The following GLRA2 variants were observed in gnomAD, a reference collection of about 807,000 sequenced individuals.
The protein encoded by GLRA2 is glycine receptor alpha 2.
A neutral mutation model predicts 31.6 loss-of-function variants in GLRA2; 11 were observed. The ratio of observed to expected loss-of-function variants is 0.35; its 90% CI spans 0.22 to 0.58. The LOEUF (loss-of-function observed/expected upper bound fraction) is 0.58. GLRA2 is among the 20% of genes least tolerant of loss of function. The pLI, the probability that GLRA2 is intolerant of heterozygous loss-of-function variation, is 0.84. For missense variants in GLRA2, 212 were observed against 351.8 expected (o/e 0.60, Z 3.18); for synonymous variants, 132 against 134.0 (o/e 0.99, Z 0.10).
At chrX:14,672,351 C>T (rs908775697) in intron 7 of GLRA2, among the ~76,000 whole-genome samples, 14 of 112,519 alleles carry the variant, frequency 1.2e-4, no homozygotes, top group Non-Finnish European at 1.7e-4. Flanking sequence ...TATTTTCACA[C>T]TTACACTTTA....
At chrX:14,630,151 G>T (rs1310427552) in intron 7 of GLRA2, among the ~76,000 whole-genome samples, 1 of 111,149 alleles carries the variant, frequency 9.0e-6, no homozygotes, top group African/African-American at 3.3e-5. Context: ...AATTATTTCA[G>T]CTTTTATACG....
chrX:14,667,393 A>G (rs1157289221), intron 7 of GLRA2, among the ~76,000 whole-genome samples: 1 of 111,990 alleles, frequency 8.9e-6, no homozygotes, highest in Non-Finnish European at 1.9e-5. Context: ...ACTCAACTCT[A>G]CCATGGTAAG....
upstream of GLRA2, among the ~76,000 whole-genome samples, chrX:14,524,475 T>C (rs982587607): frequency 2.7e-5 from 3 of 112,054 alleles, no homozygotes; most frequent in African/African-American, 9.7e-5. Flanking sequence ...CAACGAAAGA[T>C]TTGGTAAAAA....
At position 14,731,761 on chromosome X, in the gene GLRA2, G is replaced by T. The variant is rs762109260; in HGVS notation, c.*1276G>T. On this transcript the variant is annotated 3_prime_UTR_variant, in exon 9 of 9. Transcript: ENST00000218075. ...AAATTTTACATGTGCTGTACAAGGG[G>T]TTATTTTAAAAAGCATTTGTTCAAT... 3.4e-4 allele frequency: 38 copies of T among 111,851 alleles called. No individual in the cohort carries two copies. Among genetic ancestry groups the T allele is most frequent in the Admixed American group, 1.1e-3 (12 of 10,505 alleles). The allele number at this position is 111,851 out of a possible 1,213,427, so 9.2% of individuals were successfully genotyped here. A position where few individuals can be genotyped will look rare whatever the true frequency, so the allele number is the denominator to read the frequency against.
chrX:14,570,644 A>G (rs1601721496), intron 2 of GLRA2, among the ~76,000 whole-genome samples: 1 of 111,602 alleles, frequency 9.0e-6, no homozygotes, highest in Non-Finnish European at 1.9e-5. Context: ...AGTACTATAT[A>G]TGAAGAATAG....
At chrX:14,480,092 G>T in the GLRA2 span, among the ~76,000 whole-genome samples, 1 of 111,323 alleles carries the variant, frequency 9.0e-6, no homozygotes, top group Non-Finnish European at 1.9e-5. Flanking sequence ...TTTCATTGTG[G>T]CTTTGATTTA....
the GLRA2 span, among the ~76,000 whole-genome samples, chrX:14,465,378 A>G: frequency 2.7e-5 from 3 of 112,023 alleles, no homozygotes; most frequent in Admixed American, 9.5e-5. Context: ...CTTTACGTGT[A>G]AGATTATATC....
intron 7 of GLRA2, among the ~76,000 whole-genome samples, chrX:14,652,286 T>G (rs2090897449): frequency 9.0e-6 from 1 of 111,535 alleles, no homozygotes; most frequent in Non-Finnish European, 1.9e-5. Flanking sequence ...AGAAACTGAG[T>G]CAGGGGATTA....
intron 7 of GLRA2, among the ~76,000 whole-genome samples, chrX:14,685,570 A>T (rs536096883): frequency 5.5e-4 from 61 of 111,437 alleles, no homozygotes; most frequent in African/African-American, 1.9e-3. Context: ...CAGGAATTTA[A>T]CCATTTCTTC....
Position 14,684,964 on chromosome X carries a change from GCT to G in GLRA2, c.931-5743_931-5742del, listed in dbSNP as rs1286537998. Among the ~76,000 whole-genome samples, 22 of 110,892 alleles carry G rather than the reference GCT, an allele frequency of 2.0e-4. No individual in the cohort carries two copies. The East Asian group carries it at 6.3e-3, about 32-fold the overall frequency. ...ATTAGCTGTGGGTTTGTCATAGATA[GCT>G]CTTATTATTTTGAGATATGTCCCAT... On this transcript the variant is annotated intron_variant, in intron 7 of 8. Coordinates refer to ENST00000218075, the MANE Select transcript of GLRA2 (RefSeq NM_002063.4).
chrX:14,506,732 A>G, the GLRA2 span, among the ~76,000 whole-genome samples: 1 of 111,474 alleles, frequency 9.0e-6, no homozygotes, highest in Non-Finnish European at 1.9e-5. Flanking sequence ...ACAACCCTAG[A>G]TGGTGCACCA....
chrX:14,562,336 C>G (rs1344633823), intron 2 of GLRA2, among the ~76,000 whole-genome samples: 3 of 112,236 alleles, frequency 2.7e-5, no homozygotes, highest in African/African-American at 9.7e-5. Flanking sequence ...TTGCCCTTGT[C>G]CCATTCCCTC....
intron 7 of GLRA2, among the ~76,000 whole-genome samples, chrX:14,638,202 G>A (rs1405952640): frequency 9.0e-6 from 1 of 111,384 alleles, no homozygotes; most frequent in East Asian, 2.8e-4. Flanking sequence ...TGAAAAGGAA[G>A]GTTTGCCAAG....
At chrX:14,527,344 C>T (rs192793590), upstream of GLRA2, among the ~76,000 whole-genome samples, 3 of 111,968 alleles carry the variant, frequency 2.7e-5, no homozygotes, top group African/African-American at 6.5e-5. Flanking sequence ...CGGCTGGGCG[C>T]GGTGGCTCAC....
chrX:14,474,747 G>T, the GLRA2 span, among the ~76,000 whole-genome samples: 1 of 106,592 alleles, frequency 9.4e-6, no homozygotes, highest in African/African-American at 3.5e-5. Flanking sequence ...GGGATGACTG[G>T]GGCCTCTCCC....
At chrX:14,710,663 G>A (rs1258364876) in intron 8 of GLRA2, among the ~76,000 whole-genome samples, 2 of 111,607 alleles carry the variant, frequency 1.8e-5, no homozygotes, top group Non-Finnish European at 3.8e-5. Context: ...CTGTTGTTAC[G>A]GTTGATTATA....
the GLRA2 span, among the ~76,000 whole-genome samples, chrX:14,481,335 C>G: frequency 3.6e-5 from 4 of 111,456 alleles, no homozygotes; most frequent in Non-Finnish European, 5.6e-5. Flanking sequence ...CCTCACTAAG[C>G]CTTTGGTATT....
In GLRA2 at chrX:14,572,344, A is replaced by G. The variant is rs534422598; in HGVS notation, c.203-1989A>G. Among the ~76,000 whole-genome samples the G allele has an allele frequency of 1.6e-4, 18 of 111,924 alleles. No individual in the cohort carries two copies. The South Asian group carries it at 5.1e-3, about 32-fold the overall frequency. On this transcript the variant is annotated intron_variant, in intron 2 of 8. Coordinates refer to ENST00000218075, the MANE Select transcript of GLRA2 (RefSeq NM_002063.4). ...TATTTTTCCCATCATTCATTTTTCT[A>G]TCTATCTTGCATATAAGAATTCAGG...
the GLRA2 span, among the ~76,000 whole-genome samples, chrX:14,491,000 A>G: frequency 3.6e-5 from 4 of 111,658 alleles, no homozygotes; most frequent in Non-Finnish European, 5.6e-5. Context: ...TCTCCAGTCT[A>G]TCTCTATTTG....
Sources: allele counts gnomAD v4.1 joint callset (sites outside exome capture counted in the v4.1 genomes callset), GRCh38; gene constraint gnomAD v4.1.1; transcripts MANE v1.5; gene names NCBI Gene and HGNC (gene_info 2026-07-23, HGNC 2026-07-21).